The following MYO1E variants were observed in gnomAD, a reference collection of about 807,000 sequenced individuals.
MYO1E encodes the protein unconventional myosin-Ie.
In MYO1E, 68 loss-of-function variants were observed where a neutral mutation model predicts 151.1. The ratio of observed to expected loss-of-function variants is 0.45; its 90% CI spans 0.37 to 0.55. The LOEUF (loss-of-function observed/expected upper bound fraction) is 0.55, where lower values mean the gene tolerates loss of function less well. Ranked by LOEUF, MYO1E falls within the 20% of genes least tolerant of loss-of-function variation. The probability of loss-of-function intolerance (pLI) is 0.00; values close to 1 mark genes in which losing one functional copy is unlikely to be tolerated. For missense variants in MYO1E, 1,363 were observed against 1,389.3 expected (o/e 0.98, Z 0.30); for synonymous variants, 601 against 501.7 (o/e 1.20, Z -2.64).
chr15:59,166,797 G>A (rs538396527), intron 22 of MYO1E, among the ~76,000 whole-genome samples: 1 of 152,314 alleles, frequency 6.6e-6, no homozygotes, highest in African/African-American at 2.4e-5. Flanking sequence ...GGCCTCAGCA[G>A]TGACGTGTCC....
intron 4 of MYO1E, among the ~76,000 whole-genome samples, chr15:59,244,840 G>A (rs145340605): frequency 9.5e-4 from 145 of 152,266 alleles, no homozygotes; most frequent in Non-Finnish European, 1.6e-3. Flanking sequence ...GCAAGTACTC[G>A]AAAAAGAGTT....
intron 1 of MYO1E, among the ~76,000 whole-genome samples, chr15:59,365,729 A>G (rs1192941439): frequency 2.0e-5 from 3 of 152,240 alleles, no homozygotes; most frequent in African/African-American, 7.2e-5. Context: ...AAACATTATC[A>G]GAGCTCAAAA....
At chr15:59,249,484 C>A (rs909441171) in intron 4 of MYO1E, among the ~76,000 whole-genome samples, 1 of 151,804 alleles carries the variant, frequency 6.6e-6, no homozygotes, top group East Asian at 1.9e-4. Context: ...GGTCAGGTGC[C>A]TGTCCATCCT....
rs1486877 is a variant in MYO1E, at chr15:59,171,633, C to T, written c.2480+264G>A. On this transcript the variant is annotated intron_variant, in intron 22 of 27. Transcript: ENST00000288235. Reference sequence around the variant, plus strand: ...CCATATACCGGGTTCATTTCTAACACGTTTCGGTTACAAGAGATCTGGGTC... The same window carrying T: ...CCATATACCGGGTTCATTTCTAACATGTTTCGGTTACAAGAGATCTGGGTC... Among the ~76,000 whole-genome samples, 142,963 of 152,232 alleles carry T rather than the reference C, an allele frequency of 0.94. 67,249 individuals are homozygous for T. The highest frequency in any genetic ancestry group is 0.99 in the East Asian group (5,123 of 5,170).
chr15:59,349,526 A>C (rs902933425), intron 1 of MYO1E, among the ~76,000 whole-genome samples: 6 of 152,188 alleles, frequency 3.9e-5, no homozygotes, highest in African/African-American at 7.2e-5. Context: ...GTTAGGGAGG[A>C]GGATGATGAG....
chr15:59,271,854 G>A (rs2080290818), intron 2 of MYO1E, among the ~76,000 whole-genome samples: 1 of 152,188 alleles, frequency 6.6e-6, no homozygotes, highest in African/African-American at 2.4e-5. Context: ...GAAGAGCAGA[G>A]GTTTCAGATA....
At chr15:59,252,062 T>C (rs2080168164) in intron 4 of MYO1E, among the ~76,000 whole-genome samples, 1 of 152,208 alleles carries the variant, frequency 6.6e-6, no homozygotes, top group African/African-American at 2.4e-5. Flanking sequence ...ACTAAGATTG[T>C]TCAGCATAAG....
chr15:59,258,818 C>G (rs2080208914), intron 3 of MYO1E, among the ~76,000 whole-genome samples: 1 of 151,678 alleles, frequency 6.6e-6, no homozygotes, highest in Non-Finnish European at 1.5e-5. Context: ...GATCACAGCA[C>G]TGCGCTTCAG....
intron 18 of MYO1E, among the ~76,000 whole-genome samples, chr15:59,179,960 C>T (rs1170877163): frequency 2.0e-5 from 3 of 152,226 alleles, no homozygotes; most frequent in African/African-American, 7.2e-5. Flanking sequence ...GAAGCCAGGG[C>T]CCTCCTTTGT....
At chr15:59,214,438 G>C in intron 11 of MYO1E, 124 bp from the exon 12 acceptor site, 1 of 898,856 alleles carries the variant, frequency 1.1e-6, no homozygotes, top group South Asian at 1.5e-5. Context: ...TGCATCAAAA[G>C]AAATAAGTTT....
chr15:59,304,420 G>C (rs16941266), intron 1 of MYO1E, among the ~76,000 whole-genome samples: 22,330 of 152,174 alleles, frequency 0.15, 2,526 homozygotes, highest in African/African-American at 0.32. Context: ...TGAGATGATG[G>C]TAACCTTGGA....
Position 59,188,899 on chromosome 15 carries a change from T to C in MYO1E, c.1806-683A>G, listed in dbSNP as rs145334830. Among the ~76,000 whole-genome samples, 204 of 152,312 alleles carry C rather than the reference T, an allele frequency of 1.3e-3. 2 individuals carry two copies. The highest frequency in any genetic ancestry group is 2.5e-3 in the African/African-American group (106 of 41,570). Reference sequence around the variant, plus strand: ...AATGATGCTAATGCTGGTTTTGTTATTGAACTTAAATTTTAATATTGATTA... The same window carrying C: ...AATGATGCTAATGCTGGTTTTGTTACTGAACTTAAATTTTAATATTGATTA... On this transcript the variant is annotated intron_variant, in intron 17 of 27. Coordinates refer to ENST00000288235, the MANE Select transcript of MYO1E (RefSeq NM_004998.4).
intron 4 of MYO1E, among the ~76,000 whole-genome samples, chr15:59,251,547 T>C (rs2080165094): frequency 6.6e-6 from 1 of 152,232 alleles, no homozygotes. Context: ...GAAAATGTAC[T>C]ATTAATTACT....
chr15:59,299,072 C>T (rs1302842667), intron 1 of MYO1E, among the ~76,000 whole-genome samples: 4 of 152,184 alleles, frequency 2.6e-5, no homozygotes, highest in African/African-American at 9.7e-5. Flanking sequence ...TATTCAGAGG[C>T]CAAAGATTCT....
chr15:59,353,356 C>CAAAAAAAAA (rs1205997737), intron 1 of MYO1E, among the ~76,000 whole-genome samples: 1 of 57,552 alleles, frequency 1.7e-5, no homozygotes, highest in African/African-American at 6.0e-5. Context: ...GACCCTGTCT[C>CAAAAAAAAA]AAAAAAAAAA....
intron 1 of MYO1E, among the ~76,000 whole-genome samples, chr15:59,284,655 T>G (rs1188721744): frequency 2.0e-5 from 3 of 151,332 alleles, no homozygotes; most frequent in Admixed American, 6.6e-5. Flanking sequence ...TTTTTTTTTT[T>G]GTAGAGACAG....
At chr15:59,240,991 T>C (rs1394572452) in intron 4 of MYO1E, among the ~76,000 whole-genome samples, 1 of 152,160 alleles carries the variant, frequency 6.6e-6, no homozygotes, top group African/African-American at 2.4e-5. Context: ...AATAACACAG[T>C]GGAGATGTGG....
At chr15:59,165,253 T>C (rs1276347835) in intron 22 of MYO1E, among the ~76,000 whole-genome samples, 1 of 151,644 alleles carries the variant, frequency 6.6e-6, no homozygotes, top group East Asian at 1.9e-4. Context: ...GCGCAAACCA[T>C]GGGGGTGGGG....
chr15:59,154,058 A>C (rs763939138), intron 25 of MYO1E, among the ~76,000 whole-genome samples: 1 of 152,240 alleles, frequency 6.6e-6, no homozygotes, highest in South Asian at 2.1e-4. Flanking sequence ...TGCATGGTCA[A>C]CTTCCCGGGA....
Sources: gnomAD v4.1 joint callset for allele counts (sites outside exome capture counted in the v4.1 genomes callset) on GRCh38, gnomAD v4.1.1 for gene constraint, MANE v1.5 for transcripts, NCBI Gene and HGNC (gene_info 2026-07-23, HGNC 2026-07-21) for gene names.